PAPOLG: variants seen among roughly 807,000 people sequenced by gnomAD.
The protein encoded by PAPOLG is PAP-gamma.
Under a neutral mutation model 99.0 loss-of-function variants are expected in PAPOLG, and 40 were observed. The observed-to-expected ratio is 0.40, with a 90% CI of 0.31 to 0.53. PAPOLG has a LOEUF of 0.53. Among genes scored for constraint, PAPOLG ranks in the 20% least tolerant of loss-of-function variants. The pLI is 0.41. For missense variants in PAPOLG, 675 were observed against 884.1 expected (o/e 0.76, Z 3.00); for synonymous variants, 310 against 299.3 (o/e 1.04, Z -0.37).
intron 21 of PAPOLG, 76 bp from the exon 22 acceptor site, chr2:60,796,986 G>T: frequency 6.3e-7 from 1 of 1,574,834 alleles, no homozygotes; most frequent in East Asian, 2.3e-5. Flanking sequence ...CAAGTTTTGT[G>T]ACTGACTTTC....
chr2:60,796,208 CTTTTTTTTTT>C (rs66526788), intron 21 of PAPOLG, among the ~76,000 whole-genome samples: 14 of 110,336 alleles, frequency 1.3e-4, no homozygotes, highest in South Asian at 6.3e-4. Flanking sequence ...TTTTGCCTTC[CTTTTTTTTTT>C]TTTTTTTTTT....
intron 6 of PAPOLG, among the ~76,000 whole-genome samples, chr2:60,771,185 G>A (rs968009552): frequency 3.9e-5 from 6 of 152,054 alleles, no homozygotes; most frequent in Non-Finnish European, 2.9e-5. Flanking sequence ...TTGAATTTTC[G>A]TGGTATTTTA....
At chr2:60,783,098 A>G in intron 12 of PAPOLG, 58 bp from the exon 13 acceptor site, 1 of 1,445,336 alleles carries the variant, frequency 6.9e-7, no homozygotes, top group Non-Finnish European at 9.3e-7. Context: ...ATGATTAAAA[A>G]GCAGGCTGTA....
chr2:60,768,565 T>C lies in PAPOLG; in HGVS notation c.328+14T>C. 6.4e-7 allele frequency: 1 copy of C among 1,557,992 alleles called. No individual in the cohort carries two copies. Among genetic ancestry groups the C allele is most frequent in the African/African-American group, 1.4e-5 (1 of 73,558 alleles). ...TACACACCAAAGGTAACTGCTTTTC[T>C]GTGTTCTAGTGCTAAGAACATTCAA... On this transcript the variant is annotated intron_variant, in intron 4 of 21. Transcript: ENST00000238714.
At chr2:60,782,366 A>G (rs1471055870) in intron 11 of PAPOLG, among the ~76,000 whole-genome samples, 1 of 152,116 alleles carries the variant, frequency 6.6e-6, no homozygotes, top group African/African-American at 2.4e-5. Context: ...CAGGAGTTCA[A>G]GACCAGCCTA....
intron 1 of PAPOLG, 72 bp from the exon 2 acceptor site, chr2:60,760,062 T>C: frequency 7.0e-7 from 1 of 1,428,252 alleles, no homozygotes; most frequent in South Asian, 1.3e-5. Flanking sequence ...ATGAGTAGAT[T>C]GAGAGATTCA....
chr2:60,794,588 C>A, intron 19 of PAPOLG, 122 bp from the exon 20 acceptor site: 1 of 787,532 alleles, frequency 1.3e-6, no homozygotes, highest in Non-Finnish European at 2.0e-6. Context: ...CTTCTCTTAC[C>A]AATCCATGTT....
rs926845955 is a variant in PAPOLG at position 60,801,819 on chromosome 2, A to C, written c.*4659A>C. 5 of 152,372 alleles carry C rather than the reference A, an allele frequency of 3.3e-5. No individual in the cohort carries two copies. The highest frequency in any genetic ancestry group is 7.3e-5 in the Non-Finnish European group (5 of 68,036). The allele number at this position is 152,372 out of a possible 1,614,324, so 9.4% of individuals were successfully genotyped here. On this transcript the variant is annotated 3_prime_UTR_variant, in exon 22 of 22. Coordinates refer to ENST00000238714, the MANE Select transcript of PAPOLG (RefSeq NM_022894.4). Reference sequence around the variant, plus strand: ...ACATAAGATGATCATCAAGCTTGCTATAAGTTTTAAGCTATTGCTACATTT... The same window carrying C: ...ACATAAGATGATCATCAAGCTTGCTCTAAGTTTTAAGCTATTGCTACATTT...
chr2:60,776,309 T>G (rs2103789394), intron 8 of PAPOLG, among the ~76,000 whole-genome samples: 1 of 152,176 alleles, frequency 6.6e-6, no homozygotes, highest in South Asian at 2.1e-4. Flanking sequence ...TGTCAACAGC[T>G]GTGCTGTCAT....
At chr2:60,775,844 A>G (rs921739661) in intron 8 of PAPOLG, among the ~76,000 whole-genome samples, 4 of 151,762 alleles carry the variant, frequency 2.6e-5, no homozygotes, top group East Asian at 1.9e-4. Flanking sequence ...GCTCACACCA[A>G]CCTCTGCCTC....
chr2:60,766,619 A>C (rs1378990444), intron 3 of PAPOLG, among the ~76,000 whole-genome samples: 1 of 151,712 alleles, frequency 6.6e-6, no homozygotes, highest in African/African-American at 2.4e-5. Flanking sequence ...GTGAGCTAAG[A>C]TCACACTGCT....
intron 9 of PAPOLG, 33 bp downstream of exon 9, chr2:60,779,808 C>A: frequency 6.4e-7 from 1 of 1,563,840 alleles, no homozygotes; most frequent in Non-Finnish European, 8.8e-7. Flanking sequence ...TGACTGTTTA[C>A]TAATCTCTAC....
At chr2:60,764,194 G>T (rs913644597) in intron 3 of PAPOLG, among the ~76,000 whole-genome samples, 1 of 152,092 alleles carries the variant, frequency 6.6e-6, no homozygotes, top group Non-Finnish European at 1.5e-5. Context: ...TGTTCAACTG[G>T]GTGATACCAT....
chr2:60,793,749 T>C (rs1332608955), intron 18 of PAPOLG, 34 bp downstream of exon 18: 11 of 1,573,284 alleles, frequency 7.0e-6, no homozygotes, highest in South Asian at 1.2e-5. Flanking sequence ...TTAATAATTA[T>C]ATTTACAAAA....
rs58802900 is a variant in PAPOLG at position 60,758,514 on chromosome 2, G to C, written c.18-1620G>C. Among the ~76,000 whole-genome samples the C allele has an allele frequency of 6.6e-3, 976 of 146,780 alleles. 11 individuals are homozygous for C. The highest frequency in any genetic ancestry group is 0.011 in the Non-Finnish European group (727 of 67,372). On this transcript the variant is annotated intron_variant, in intron 1 of 21. Coordinates refer to ENST00000238714, the MANE Select transcript of PAPOLG (RefSeq NM_022894.4). ...GCGATCTTGGTTCACTGCAACCTTCGTCTCCTGGGTTCAAGCGAATCTCCT... is the reference window on the plus strand; with the variant it reads ...GCGATCTTGGTTCACTGCAACCTTCCTCTCCTGGGTTCAAGCGAATCTCCT...
intron 21 of PAPOLG, among the ~76,000 whole-genome samples, chr2:60,795,713 A>T (rs1277039108): frequency 1.3e-5 from 2 of 151,802 alleles, no homozygotes; most frequent in African/African-American, 2.4e-5. Flanking sequence ...CAGAATGGCC[A>T]TTAAATAGTA....
chr2:60,792,188 G>A lies in PAPOLG; in HGVS notation c.1578G>A (p.Leu526=), dbSNP rs779294168. Residue 526 remains leucine (L), a synonymous_variant, in exon 17 of 22, where the codon CTG becomes CTA. Coordinates refer to ENST00000238714, the MANE Select transcript of PAPOLG (RefSeq NM_022894.4). ...GACTTCAATCCAAAAGATTGTCTCT[G>A]GATAGCAGTTGTCTGGATAGCTCCA... ...SGGLQSKRLS[L]DSSCLDSSRD... 1.9e-6 allele frequency: 3 copies of A among 1,606,058 alleles called. No homozygotes were observed. In the South Asian group the frequency reaches 3.4e-5, roughly 18 times the overall value.
At chr2:60,780,584 C>T in intron 9 of PAPOLG, 123 bp from the exon 10 acceptor site, 3 of 1,049,440 alleles carry the variant, frequency 2.9e-6, no homozygotes, top group South Asian at 1.6e-5. Flanking sequence ...CCTTTTTTTC[C>T]TTTAATACCA....
At chr2:60,779,803 G>C in intron 9 of PAPOLG, 28 bp downstream of exon 9, 1 of 1,577,964 alleles carries the variant, frequency 6.3e-7, no homozygotes. Flanking sequence ...TACTTTGACT[G>C]TTTACTAATC....
Sources: allele counts gnomAD v4.1 joint callset (sites outside exome capture counted in the v4.1 genomes callset), GRCh38; gene constraint gnomAD v4.1.1; transcripts MANE v1.5; gene names NCBI Gene and HGNC (gene_info 2026-07-23, HGNC 2026-07-21).